Variants in CHD6 observed in about 807,000 individuals in gnomAD.
CHD6 encodes the protein chromodomain helicase DNA binding protein 6.
In CHD6, 50 loss-of-function variants were observed where a neutral mutation model predicts 276.9. That is an observed-to-expected ratio of 0.18 (90% CI 0.14 to 0.23). CHD6 has a LOEUF of 0.23. Ranked by LOEUF, CHD6 falls within the 10% of genes least tolerant of loss-of-function variation. CHD6 has a pLI of 1.00. For synonymous variants in CHD6, 1,173 were observed against 1,229.3 expected, an observed-to-expected ratio of 0.95 and a Z score of 0.96; for missense variants, 2,564 against 3,365.8, an observed-to-expected ratio of 0.76 and a Z score of 5.89.
In CHD6 at chr20:41,593,211, G is replaced by A. The variant is rs1466849096; in HGVS notation, c.-24+25129C>T. 2.7e-5 allele frequency among the ~76,000 whole-genome samples: 4 copies of A among 149,070 alleles called. 1 individual carries two copies. Among genetic ancestry groups the A allele is most frequent in the Non-Finnish European group, 6.0e-5 (4 of 66,644 alleles). On this transcript the variant is annotated intron_variant, in intron 1 of 36. Transcript: ENST00000373233. ...CTCAGCCCAATCAAAAAGGGGGGGG[G>A]GGGTTAAATAGTAAAAGAGGGATAT...
chr20:41,560,037 C>CT (rs1034592645), intron 1 of CHD6, among the ~76,000 whole-genome samples: 76 of 152,042 alleles, frequency 5.0e-4, no homozygotes, highest in African/African-American at 1.8e-3. Flanking sequence ...CCCTTGGTTC[C>CT]TCTCCAGTCG....
intron 1 of CHD6, among the ~76,000 whole-genome samples, chr20:41,605,041 A>G (rs1229215387): frequency 1.3e-5 from 2 of 152,206 alleles, no homozygotes; most frequent in Non-Finnish European, 2.9e-5. Context: ...TGATTATTCT[A>G]TGTAGGAGAA....
chr20:41,467,586 AG>A lies in CHD6; in HGVS notation c.2664+5735del, dbSNP rs1268416102. Reference sequence around the variant, plus strand: ...GAAAAAAAAAAAAAAAAAAAAAAAAAGGCTGGGTGTTGTGGCTCTCGCCCAT... The same window carrying A: ...GAAAAAAAAAAAAAAAAAAAAAAAAAGCTGGGTGTTGTGGCTCTCGCCCAT... On this transcript the variant is annotated intron_variant, in intron 17 of 36. Coordinates refer to ENST00000373233, the MANE Select transcript of CHD6 (RefSeq NM_032221.5). 1.1e-4 allele frequency among the ~76,000 whole-genome samples: 16 copies of A among 141,212 alleles called. No individual in the cohort carries two copies. In the East Asian group the frequency reaches 2.9e-3, roughly 25 times the overall value. The allele number at this position is 141,212 out of a possible 152,430, so 92.6% of individuals were successfully genotyped here.
chr20:41,433,575 G>A (rs1359478253), intron 27 of CHD6, among the ~76,000 whole-genome samples: 1 of 152,078 alleles, frequency 6.6e-6, no homozygotes, highest in Non-Finnish European at 1.5e-5. Context: ...AGAACCGTCT[G>A]ACAGTTCTCT....
rs1430081393 is a variant in CHD6, at chr20:41,462,733, T to C, written c.2665-5305A>G. 1.3e-5 allele frequency among the ~76,000 whole-genome samples: 2 copies of C among 152,240 alleles called. 1 individual carries two copies. The highest frequency in any genetic ancestry group is 2.9e-5 in the Non-Finnish European group (2 of 68,042). Reference sequence around the variant, plus strand: ...AAAGGTACAGAAATAGATACGGATATGCATGTTTACGTATGCATTTGTGTC... The same window carrying C: ...AAAGGTACAGAAATAGATACGGATACGCATGTTTACGTATGCATTTGTGTC... On this transcript the variant is annotated intron_variant, in intron 17 of 36. Transcript: ENST00000373233.
chr20:41,576,592 T>C (rs943991979), intron 1 of CHD6, among the ~76,000 whole-genome samples: 2 of 152,164 alleles, frequency 1.3e-5, no homozygotes, highest in African/African-American at 4.8e-5. Flanking sequence ...AAGAATCACT[T>C]GAACCCAGGA....
chr20:41,483,300 A>G lies in CHD6; in HGVS notation c.2468+9T>C. On this transcript the variant is annotated intron_variant, in intron 16 of 36. Coordinates refer to ENST00000373233, the MANE Select transcript of CHD6 (RefSeq NM_032221.5). ...ATTGTTGAATGCAGAGCTTTGACAC[A>G]AGTCTCACCTTCTCTGGATGAGGTA... 6.2e-7 allele frequency: 1 copy of G among 1,601,782 alleles called. No individual in the cohort carries two copies. The highest frequency in any genetic ancestry group is 8.5e-7 in the Non-Finnish European group (1 of 1,174,684).
At chr20:41,480,387 T>A (rs770990006) in intron 16 of CHD6, among the ~76,000 whole-genome samples, 1 of 152,068 alleles carries the variant, frequency 6.6e-6, no homozygotes, top group South Asian at 2.1e-4. Context: ...AATAGGTGTA[T>A]AGAAAAATAA....
At chr20:41,433,519 G>A (rs1458564203) in intron 27 of CHD6, among the ~76,000 whole-genome samples, 2 of 151,976 alleles carry the variant, frequency 1.3e-5, no homozygotes, top group Non-Finnish European at 1.5e-5. Flanking sequence ...ATATCCTTTG[G>A]GAACAAAGGG....
Position 41,403,836 on chromosome 20 carries a change from C to G in CHD6, c.*757G>C. 9.5e-7 allele frequency: 1 copy of G among 1,056,768 alleles called. No homozygotes were observed. Among genetic ancestry groups the G allele is most frequent in the Non-Finnish European group, 1.1e-6 (1 of 873,942 alleles). The allele number at this position is 1,056,768 out of a possible 1,614,324, so 65.5% of individuals were successfully genotyped here. ...CTACGGAGCGCGGGTCCTTGCCCCACCCCCGTCGACAGCAATAACTCATGG... is the reference window on the plus strand; with the variant it reads ...CTACGGAGCGCGGGTCCTTGCCCCAGCCCCGTCGACAGCAATAACTCATGG... On this transcript the variant is annotated 3_prime_UTR_variant, in exon 37 of 37. Coordinates refer to ENST00000373233, the MANE Select transcript of CHD6 (RefSeq NM_032221.5).
rs1452018763 is a variant in CHD6 at position 41,484,612 on chromosome 20, C to A, written c.2002-5G>T. 1.2e-6 allele frequency: 2 copies of A among 1,613,486 alleles called. No homozygotes were observed. Among genetic ancestry groups the A allele is most frequent in the Admixed American group, 3.3e-5 (2 of 59,966 alleles). On this transcript the variant is annotated splice_region_variant and splice_polypyrimidine_tract_variant and intron_variant, in intron 14 of 36. Transcript: ENST00000373233. ...GATAGACTGCAGTTTCTTTACCTGTCCAGGGAAATGAGACCTAGTTACCTG... is the reference window on the plus strand; with the variant it reads ...GATAGACTGCAGTTTCTTTACCTGTACAGGGAAATGAGACCTAGTTACCTG...
At position 41,607,046 on chromosome 20, in the gene CHD6, A is replaced by G. The variant is rs149074311; in HGVS notation, c.-24+11294T>C. Among the ~76,000 whole-genome samples, 83 of 152,124 alleles carry G rather than the reference A, an allele frequency of 5.5e-4. No individual in the cohort carries two copies. In the East Asian group the frequency reaches 0.012, roughly 23 times the overall value. On this transcript the variant is annotated intron_variant, in intron 1 of 36. Transcript: ENST00000373233. ...ACCACGATCTTTAAAGCCTTTCTCA[A>G]CATCTCCAACCTATCCCTCCTCCAG...
chr20:41,440,998 G>T (rs1475397986), intron 25 of CHD6, among the ~76,000 whole-genome samples: 1 of 152,150 alleles, frequency 6.6e-6, no homozygotes, highest in Non-Finnish European at 1.5e-5. Context: ...CAAGCTGTAG[G>T]TAGCACCTGG....
At position 41,421,488 on chromosome 20, in the gene CHD6, T is replaced by A. The variant is rs2047190767; in HGVS notation, c.5147A>T (p.Glu1716Val). 1 of 1,613,762 alleles carries A rather than the reference T, an allele frequency of 6.2e-7. No individual in the cohort carries two copies. Among genetic ancestry groups the A allele is most frequent in the South Asian group, 1.1e-5 (1 of 90,938 alleles). The change falls in exon 31 of 37, where the codon GAA (glutamate) becomes GTA (valine). Residue 1716 changes from glutamate (E) to valine (V), a missense_variant. Coordinates refer to ENST00000373233, the MANE Select transcript of CHD6 (RefSeq NM_032221.5). ...MMYGKKVLSQ[E>V]PSSFQESPST... ...TGGGCTCTCCTGAAAAGAGCTTGGT[T>A]CTTGGCTGAGCACCTTCTTACCATA...
At chr20:41,491,845 T>C (rs780992772) in intron 10 of CHD6, 26 bp from the exon 11 acceptor site, 6 of 1,612,576 alleles carry the variant, frequency 3.7e-6, no homozygotes, top group Middle Eastern at 1.6e-4. Context: ...AACAGCATAA[T>C]AGATAGAGAA....
chr20:41,592,649 T>C (rs1243534828), intron 1 of CHD6, among the ~76,000 whole-genome samples: 1 of 152,214 alleles, frequency 6.6e-6, no homozygotes, highest in African/African-American at 2.4e-5. Flanking sequence ...AAATGCCTGC[T>C]TCTGACCTAG....
At chr20:41,519,010 G>C (rs866664696) in intron 3 of CHD6, among the ~76,000 whole-genome samples, 3 of 152,132 alleles carry the variant, frequency 2.0e-5, no homozygotes, top group African/African-American at 4.8e-5. Context: ...GGCCAGGTGT[G>C]GTGGCTCATG....
chr20:41,535,353 A>G (rs2044804594), intron 2 of CHD6, among the ~76,000 whole-genome samples: 1 of 152,226 alleles, frequency 6.6e-6, no homozygotes, highest in Non-Finnish European at 1.5e-5. Context: ...CACAGGGTCA[A>G]TATGAAGATG....
intron 10 of CHD6, 60 bp downstream of exon 10, chr20:41,493,478 T>C: frequency 1.3e-6 from 2 of 1,550,870 alleles, no homozygotes; most frequent in Non-Finnish European, 1.8e-6. Flanking sequence ...CTTCCATGAT[T>C]GCAAAGTTCA....
Sources: allele counts gnomAD v4.1 joint callset (sites outside exome capture counted in the v4.1 genomes callset), GRCh38; gene constraint gnomAD v4.1.1; transcripts MANE v1.5; gene names NCBI Gene and HGNC (gene_info 2026-07-23, HGNC 2026-07-21).